Variants in AKAP12 observed in about 807,000 individuals in gnomAD.
The protein encoded by AKAP12 is A-kinase anchor protein 12.
AKAP12 carries 32 observed loss-of-function variants against 79.9 expected under a neutral mutation model. The observed-to-expected ratio is 0.40, with a 90% CI of 0.30 to 0.54. The LOEUF (loss-of-function observed/expected upper bound fraction) is 0.54, where lower values mean the gene tolerates loss of function less well. Among genes scored for constraint, AKAP12 ranks in the 20% least tolerant of loss-of-function variants. The probability of loss-of-function intolerance (pLI) is 0.48; values close to 1 mark genes in which losing one functional copy is unlikely to be tolerated. For missense variants in AKAP12, 2,074 were observed against 2,177.0 expected (o/e 0.95, Z 0.94); for synonymous variants, 808 against 857.0 (o/e 0.94, Z 1.00).
chr6:151,341,453 G>A (rs1777943256), intron 3 of AKAP12, among the ~76,000 whole-genome samples: 5 of 152,198 alleles, frequency 3.3e-5, no homozygotes, highest in Admixed American at 3.3e-4. Context: ...GCTTGGGTTT[G>A]AAGAGACCCC....
At chr6:151,303,988 A>G (rs1249128585) in intron 2 of AKAP12, among the ~76,000 whole-genome samples, 1 of 152,076 alleles carries the variant, frequency 6.6e-6, no homozygotes, top group Non-Finnish European at 1.5e-5. Context: ...GGGCAAGACA[A>G]CCCCACCCCA....
In AKAP12 at chr6:151,352,822, C is replaced by T. The variant is rs187854745; in HGVS notation, c.4431C>T (p.Pro1477=). ...GGGAAGATGCTGTGCCCACAGGGCC[C>T]GACTGTCAGGCAAAATCGACACCAG... is the stretch of plus-strand genomic sequence containing the variant. ...HPGEDAVPTG[P]DCQAKSTPVI... The change falls in exon 4 of 5, where the codon CCC becomes CCT. Residue 1477 remains proline, a synonymous_variant. Coordinates refer to ENST00000402676, the MANE Select transcript of AKAP12 (RefSeq NM_005100.4). 3.8e-5 allele frequency: 62 copies of T among 1,614,058 alleles called. No individual in the cohort carries two copies. In the East Asian group the frequency reaches 9.1e-4, roughly 24 times the overall value.
chr6:151,351,193 G>A lies in AKAP12; in HGVS notation c.2802G>A (p.Glu934=), dbSNP rs1368583353. ...AAGCTGAAGCCGCACTGTTAACTGAGGAGGTATTGGAAAGAGAAGTAATTG... is the reference window on the plus strand; with the variant it reads ...AAGCTGAAGCCGCACTGTTAACTGAAGAGGTATTGGAAAGAGAAGTAATTG... ...QVEAEAALLT[E]EVLEREVIAE... The change falls in exon 4 of 5, where the codon GAG becomes GAA. Residue 934 remains glutamate (E), a synonymous_variant. Coordinates refer to ENST00000402676, the MANE Select transcript of AKAP12 (RefSeq NM_005100.4). The surrounding 1 kb of genome is among the most constrained non-coding windows in gnomAD (Gnocchi z 4.4). 1.9e-6 allele frequency: 3 copies of A among 1,614,116 alleles called. No individual in the cohort carries two copies. Among genetic ancestry groups the A allele is most frequent in the Non-Finnish European group, 2.5e-6 (3 of 1,180,058 alleles).
At chr6:151,326,290 CAT>C (rs2114786529) in intron 3 of AKAP12, among the ~76,000 whole-genome samples, 1 of 152,222 alleles carries the variant, frequency 6.6e-6, no homozygotes, top group South Asian at 2.1e-4. Flanking sequence ...TTGCCGTAGT[CAT>C]AGACAGAATA....
At chr6:151,339,278 T>G in intron 3 of AKAP12, among the ~76,000 whole-genome samples, 1 of 152,236 alleles carries the variant, frequency 6.6e-6, no homozygotes, top group East Asian at 1.9e-4. Context: ...TGTATGAAAT[T>G]GACTTTTCTT....
At chr6:151,303,529 A>G (rs1486252265) in intron 2 of AKAP12, among the ~76,000 whole-genome samples, 2 of 152,222 alleles carry the variant, frequency 1.3e-5, no homozygotes, top group Non-Finnish European at 1.5e-5. Context: ...ATTTAGCACA[A>G]CTTAAGGCTT....
At chr6:151,280,556 G>A (rs1343735801) in intron 2 of AKAP12, 1 of 151,882 alleles carries the variant, frequency 6.6e-6, no homozygotes, top group Non-Finnish European at 1.5e-5. Context: ...TCATCTTTGA[G>A]TAGGGGCCAT....
chr6:151,335,438 A>G lies in AKAP12; in HGVS notation c.320-13273A>G, dbSNP rs536716794. Among the ~76,000 whole-genome samples the G allele has an allele frequency of 2.0e-5, 3 of 152,120 alleles. No homozygotes were observed. In the East Asian group the frequency reaches 5.8e-4, roughly 29 times the overall value. On this transcript the variant is annotated intron_variant, in intron 3 of 4. Coordinates refer to ENST00000402676, the MANE Select transcript of AKAP12 (RefSeq NM_005100.4). ...AGTGACTTATGTTATAGGTGAGGAC[A>G]CTAAGAACAGAGATTTTCATTTTAT...
intron 2 of AKAP12, among the ~76,000 whole-genome samples, chr6:151,287,032 C>T (rs144242248): frequency 0.035 from 5,333 of 151,038 alleles, 317 homozygotes; most frequent in African/African-American, 0.12. Flanking sequence ...CTCTGCCTCC[C>T]GGGTTCACAC....
chr6:151,249,213 CA>C (rs1181006469), intron 2 of AKAP12, among the ~76,000 whole-genome samples: 1 of 152,156 alleles, frequency 6.6e-6, no homozygotes, highest in Non-Finnish European at 1.5e-5. Context: ...TAGTTTATGG[CA>C]TTTGACTGGT....
intron 2 of AKAP12, among the ~76,000 whole-genome samples, chr6:151,250,001 T>G (rs1421359747): frequency 6.6e-6 from 1 of 152,124 alleles, no homozygotes; most frequent in Non-Finnish European, 1.5e-5. Flanking sequence ...TCCCAGCACT[T>G]CGGGAGGTGA....
rs796208815 is a variant in AKAP12, at chr6:151,351,282, C to G, written c.2891C>G (p.Thr964Arg). The G allele has an allele frequency of 6.2e-7, 1 of 1,614,178 alleles. No individual in the cohort carries two copies. The highest frequency in any genetic ancestry group is 1.1e-5 in the South Asian group (1 of 91,082). Residue 964 changes from threonine (T) to arginine (R), a missense_variant, in exon 4 of 5, where the codon ACG becomes AGG. By Grantham distance (71) the Thr-to-Arg change is moderately conservative (BLOSUM62 -1). This residue lies in a region of AKAP12 where 1,428 missense variants were observed against 1,451.0 expected (regional missense o/e 0.98). Coordinates refer to ENST00000402676, the MANE Select transcript of AKAP12 (RefSeq NM_005100.4). This position sits in a 1 kb window ranked among gnomAD's most constrained non-coding sequence, Gnocchi z 4.4. ...LPENREARGDTVVSEAELTPE... is the reference protein window; with the variant it reads ...LPENREARGDRVVSEAELTPE... ...GAGAACAGAGAGGCCCGGGGCGACA[C>G]GGTCGTTAGTGAGGCGGAATTGACC...
At chr6:151,327,118 A>ATTT (rs71922297) in intron 3 of AKAP12, among the ~76,000 whole-genome samples, 33,080 of 140,854 alleles carry the variant, frequency 0.23, 4,198 homozygotes, top group East Asian at 0.4. Context: ...CCTGGCCTAC[A>ATTT]TTTTTTTTTT....
intron 2 of AKAP12, 94 bp from the exon 3 acceptor site, chr6:151,305,653 C>A: frequency 2.4e-6 from 3 of 1,252,738 alleles, no homozygotes; most frequent in Non-Finnish European, 2.2e-6. Flanking sequence ...TGTATTTCTT[C>A]TTTCACTGGT....
At chr6:151,295,585 A>G (rs1216339503) in intron 2 of AKAP12, among the ~76,000 whole-genome samples, 2 of 152,192 alleles carry the variant, frequency 1.3e-5, no homozygotes, top group Non-Finnish European at 2.9e-5. Context: ...TTCAAACACA[A>G]GATAAAATTA....
chr6:151,274,375 G>C (rs182649848), intron 2 of AKAP12, among the ~76,000 whole-genome samples: 1 of 152,050 alleles, frequency 6.6e-6, no homozygotes, highest in East Asian at 1.9e-4. Flanking sequence ...CACTGCACCC[G>C]GCCTACCTTC....
At position 151,321,016 on chromosome 6, in the gene AKAP12, T is replaced by C. The variant is rs546727556; in HGVS notation, c.319+15113T>C. On this transcript the variant is annotated intron_variant, in intron 3 of 4. Coordinates refer to ENST00000402676, the MANE Select transcript of AKAP12 (RefSeq NM_005100.4). Reference sequence around the variant, plus strand: ...TCTTTTTTTTTTTTGAGAGGGAGTCTTGCTCTGTTGCCCAGGCTGGAGTGC... The same window carrying C: ...TCTTTTTTTTTTTTGAGAGGGAGTCCTGCTCTGTTGCCCAGGCTGGAGTGC... Among the ~76,000 whole-genome samples, 28 of 151,870 alleles carry C rather than the reference T, an allele frequency of 1.8e-4. No individual in the cohort carries two copies. The South Asian group carries it at 5.8e-3, about 32-fold the overall frequency.
In AKAP12 at chr6:151,351,529, G is replaced by A; in HGVS notation, c.3138G>A (p.Val1046=). The A allele has an allele frequency of 6.2e-7, 1 of 1,614,166 alleles. No homozygotes were observed. The part of the protein sequence containing the change: ...ERRTQEVLQA[V]AEKVKEESQL... ...GGACTCAAGAGGTCCTCCAGGCAGT[G>A]GCAGAAAAAGTGAAAGAGGAATCCC... The change falls in exon 4 of 5, where the codon GTG becomes GTA. Residue 1046 remains valine (V), a synonymous_variant. Transcript: ENST00000402676. The surrounding 1 kb of genome is among the most constrained non-coding windows in gnomAD (Gnocchi z 4.4).
intron 4 of AKAP12, among the ~76,000 whole-genome samples, chr6:151,354,248 AT>A (rs59343363): frequency 2.9e-4 from 44 of 151,984 alleles, no homozygotes; most frequent in African/African-American, 9.4e-4. Context: ...GAAAAAATGG[AT>A]TTTTTTTCCC....
Sources: allele counts gnomAD v4.1 joint callset (sites outside exome capture counted in the v4.1 genomes callset), GRCh38; gene constraint gnomAD v4.1.1; regional missense constraint gnomAD v4.1.1; non-coding constraint Gnocchi (gnomAD v3.1); transcripts MANE v1.5; gene names NCBI Gene and HGNC (gene_info 2026-07-23, HGNC 2026-07-21).